STPG2: variants seen among roughly 807,000 people sequenced by gnomAD.
The protein encoded by STPG2 is sperm tail PG-rich repeat containing 2, also known as sperm-tail PG-rich repeat-containing protein 2.
STPG2 carries 56 observed loss-of-function variants against 54.2 expected under a neutral mutation model. The ratio of observed to expected loss-of-function variants is 1.03; its 90% CI spans 0.83 to 1.29. The LOEUF (loss-of-function observed/expected upper bound fraction) is 1.29. STPG2 is among the 50% of genes most tolerant of loss of function. STPG2 has a pLI of 0.00. For synonymous variants in STPG2, 200 were observed against 181.8 expected (o/e 1.10, Z -0.81); for missense variants, 596 against 544.9 (o/e 1.09, Z -0.93).
At chr4:97,505,457 A>T (rs1730824005) in intron 4 of STPG2, among the ~76,000 whole-genome samples, 1 of 151,952 alleles carries the variant, frequency 6.6e-6, no homozygotes, top group Non-Finnish European at 1.5e-5. Flanking sequence ...TAGAGAGAAA[A>T]GAGAAGAAAA....
intron 5 of STPG2, among the ~76,000 whole-genome samples, chr4:98,006,985 A>T (rs1051617386): frequency 2.6e-5 from 4 of 152,056 alleles, no homozygotes; most frequent in African/African-American, 9.7e-5. Flanking sequence ...TGCCCCCCAG[A>T]TCCCTGTCAG....
intron 9 of STPG2, among the ~76,000 whole-genome samples, chr4:97,732,721 G>C (rs2149027860): frequency 6.7e-6 from 1 of 150,114 alleles, no homozygotes; most frequent in South Asian, 2.1e-4. Context: ...AATCTAAAAA[G>C]AATTCAAACA....
intron 10 of STPG2, among the ~76,000 whole-genome samples, chr4:97,692,295 T>A (rs1402337487): frequency 4.4e-4 from 25 of 57,396 alleles, no homozygotes; most frequent in South Asian, 1.8e-3. Context: ...TGATACAGGA[T>A]ATGAAAAAAA....
intron 9 of STPG2, among the ~76,000 whole-genome samples, chr4:97,817,556 T>C (rs1321864723): frequency 6.6e-6 from 1 of 152,014 alleles, no homozygotes; most frequent in African/African-American, 2.4e-5. Context: ...TCACAGTTTT[T>C]ACTGTTGCAT....
chr4:97,762,752 G>C (rs1316039797), intron 9 of STPG2, among the ~76,000 whole-genome samples: 1 of 152,078 alleles, frequency 6.6e-6, no homozygotes. Context: ...AGAATGCTTT[G>C]ATTTCTTGTG....
At chr4:98,029,340 C>T (rs891482615) in intron 5 of STPG2, among the ~76,000 whole-genome samples, 2 of 152,024 alleles carry the variant, frequency 1.3e-5, no homozygotes, top group Non-Finnish European at 2.9e-5. Flanking sequence ...TCAGTTGTTC[C>T]CTCAAGCATT....
At chr4:97,479,565 GA>G (rs1730168159) in intron 4 of STPG2, among the ~76,000 whole-genome samples, 1 of 151,852 alleles carries the variant, frequency 6.6e-6, no homozygotes, top group South Asian at 2.1e-4. Flanking sequence ...TTGCACAATA[GA>G]AATTGCTGTA....
At chr4:97,562,016 A>G (rs1185598991) in intron 10 of STPG2, among the ~76,000 whole-genome samples, 2 of 152,282 alleles carry the variant, frequency 1.3e-5, no homozygotes, top group East Asian at 1.9e-4. Flanking sequence ...CATTAAATCT[A>G]TAAATTACAT....
chr4:97,946,589 T>C (rs9996098), intron 7 of STPG2, among the ~76,000 whole-genome samples: 59,953 of 151,870 alleles, frequency 0.39, 12,002 homozygotes, highest in Middle Eastern at 0.46. Flanking sequence ...ATGTAGGGAT[T>C]CAGTTTCATT....
At chr4:97,751,125 T>G (rs1412071077) in intron 9 of STPG2, among the ~76,000 whole-genome samples, 3 of 151,850 alleles carry the variant, frequency 2.0e-5, no homozygotes, top group Non-Finnish European at 4.4e-5. Context: ...TCAAGTAAGC[T>G]TCCTTGTTTA....
At chr4:97,735,496 G>A (rs1458996694) in intron 9 of STPG2, among the ~76,000 whole-genome samples, 1 of 150,558 alleles carries the variant, frequency 6.6e-6, no homozygotes, top group African/African-American at 2.4e-5. Flanking sequence ...AGAATTCAGT[G>A]CTATATAATT....
chr4:97,677,945 C>A (rs1035702311), intron 10 of STPG2, among the ~76,000 whole-genome samples: 4 of 152,082 alleles, frequency 2.6e-5, no homozygotes, highest in African/African-American at 9.7e-5. Context: ...AGTTCTCATT[C>A]AAATTGCATG....
At chr4:97,934,411 G>A (rs527826697) in intron 8 of STPG2, among the ~76,000 whole-genome samples, 2 of 152,162 alleles carry the variant, frequency 1.3e-5, no homozygotes, top group Non-Finnish European at 2.9e-5. Context: ...AAAAGGAGTG[G>A]TGAGAGAGGG....
At chr4:98,046,067 C>CTATATTT (rs1737118778) in intron 5 of STPG2, among the ~76,000 whole-genome samples, 1 of 137,010 alleles carries the variant, frequency 7.3e-6, no homozygotes. Flanking sequence ...TTTTTTTTGG[C>CTATATTT]TCCTTTGATT....
intron 4 of STPG2, among the ~76,000 whole-genome samples, chr4:97,523,752 C>A (rs547937957): frequency 1.3e-4 from 20 of 152,100 alleles, no homozygotes; most frequent in African/African-American, 4.3e-4. Flanking sequence ...TATCTTATTT[C>A]ATCCAACAAC....
Position 98,118,284 on chromosome 4 carries a change from C to T in STPG2, c.388-8979G>A, listed in dbSNP as rs559300642. Among the ~76,000 whole-genome samples the T allele has an allele frequency of 2.0e-5, 3 of 152,176 alleles. No individual in the cohort carries two copies. In the South Asian group the frequency reaches 6.2e-4, roughly 32 times the overall value. ...GGTCAATTTACAAATCTGTGTTTAG[C>T]CATCACTTCCTGCTTGTGTAGAGCC... On this transcript the variant is annotated intron_variant, in intron 3 of 10. Transcript: ENST00000295268.
chr4:98,095,337 A>G (rs1317340984), intron 5 of STPG2, among the ~76,000 whole-genome samples: 3 of 152,230 alleles, frequency 2.0e-5, no homozygotes, highest in African/African-American at 7.2e-5. Context: ...AATAACATTG[A>G]ATGTAAATGG....
intron 10 of STPG2, among the ~76,000 whole-genome samples, chr4:97,675,204 T>G (rs970866560): frequency 3.9e-5 from 6 of 152,100 alleles, no homozygotes; most frequent in Non-Finnish European, 8.8e-5. Flanking sequence ...GGTTTCTCCA[T>G]GTCGGTCAAG....
chr4:97,686,964 T>A (rs28709626), intron 10 of STPG2, among the ~76,000 whole-genome samples: 88,584 of 148,492 alleles, frequency 0.6, 26,711 homozygotes, highest in African/African-American at 0.71. Flanking sequence ...AGAGAGAGAG[T>A]GAGTCTCGCT....
Sources: gnomAD v4.1 joint callset for allele counts (sites outside exome capture counted in the v4.1 genomes callset) on GRCh38, gnomAD v4.1.1 for gene constraint, MANE v1.5 for transcripts, NCBI Gene and HGNC (gene_info 2026-07-23, HGNC 2026-07-21) for gene names.